Variants in SKOR1 observed in about 807,000 individuals in gnomAD.
SKOR1 encodes SKI family transcriptional corepressor 1, also known as LBX1 corepressor 1.
A neutral mutation model predicts 72.4 loss-of-function variants in SKOR1; 38 were observed. The observed-to-expected ratio is 0.52, with a 90% CI of 0.40 to 0.69. The LOEUF (loss-of-function observed/expected upper bound fraction) is 0.69, where lower values mean the gene tolerates loss of function less well. Among genes scored for constraint, SKOR1 ranks in the 30% least tolerant of loss-of-function variants. The pLI is 0.00. For synonymous variants in SKOR1, 642 were observed against 599.4 expected, an observed-to-expected ratio of 1.07 and a Z score of -1.04; for missense variants, 1,320 against 1,343.2, an observed-to-expected ratio of 0.98 and a Z score of 0.27.
intron 2 of SKOR1, among the ~76,000 whole-genome samples, chr15:67,828,751 A>T (rs2090985610): frequency 6.6e-6 from 1 of 152,030 alleles, no homozygotes; most frequent in South Asian, 2.1e-4. Context: ...CTTGAGGGGC[A>T]GGATGCAGCC....
At position 67,829,198 on chromosome 15, in the gene SKOR1, A is replaced by G; in HGVS notation, c.2336A>G (p.Asp779Gly). ...APAKVFAPERDEHVKSAAVAL... is the reference protein window; with the variant it reads ...APAKVFAPERGEHVKSAAVAL... ...TCGCAGGTGTTCGCGCCCGAGAGGG[A>G]TGAGCACGTGAAGAGCGCGGCGGTG... Residue 779 changes from aspartate (D) to glycine (G), a missense_variant, in exon 3 of 9, where the codon GAT becomes GGT. Around this residue, in one of 3 missense-constraint regions of SKOR1, gnomAD observed 1,099 missense variants for 1,025.5 expected, o/e 1.07. Transcript: ENST00000380035. 6.4e-7 allele frequency: 1 copy of G among 1,572,194 alleles called. No homozygotes were observed. The highest frequency in any genetic ancestry group is 8.6e-7 in the Non-Finnish European group (1 of 1,166,220).
In SKOR1 at chr15:67,833,991, T is replaced by A; in HGVS notation, c.*155T>A. 1 of 828,974 alleles carries A rather than the reference T, an allele frequency of 1.2e-6. No individual in the cohort carries two copies. Among genetic ancestry groups the A allele is most frequent in the South Asian group, 1.5e-5 (1 of 67,106 alleles). The allele number at this position is 828,974 out of a possible 1,614,324, so 51.4% of individuals were successfully genotyped here. A position where few individuals can be genotyped will look rare whatever the true frequency, so the allele number is the denominator to read the frequency against. ...CGCCTTCCTCCCGGGCTCCCCGGCC[T>A]TGCCCGCCCCCTCCCGGGCGTCCCT... On this transcript the variant is annotated 3_prime_UTR_variant, in exon 9 of 9. Transcript: ENST00000380035. The surrounding 1 kb of genome is among the most constrained non-coding windows in gnomAD (Gnocchi z 6.0).
chr15:67,830,406 G>A (rs1052713783), intron 4 of SKOR1, 108 bp downstream of exon 4: 3 of 919,256 alleles, frequency 3.3e-6, no homozygotes, highest in Non-Finnish European at 3.4e-6. Flanking sequence ...AAGTGTAAGC[G>A]GCTGCCAGTC....
chr15:67,831,905 G>A (rs11634105), intron 5 of SKOR1, among the ~76,000 whole-genome samples: 3 of 139,340 alleles, frequency 2.2e-5, no homozygotes, highest in South Asian at 4.7e-4. Flanking sequence ...CGGCGGTGCG[G>A]GGGGGGGAGG....
In SKOR1 at chr15:67,827,523, C is replaced by A; in HGVS notation, c.1695C>A (p.Asp565Glu). The change falls in exon 2 of 9, where the codon GAC becomes GAA. Residue 565 changes from aspartate to glutamate, a missense_variant. Physicochemically the swap from Asp to Glu is conservative, Grantham distance 45. Around this residue, in one of 3 missense-constraint regions of SKOR1, gnomAD observed 1,099 missense variants for 1,025.5 expected, o/e 1.07. Transcript: ENST00000380035. Reference protein sequence around the residue: ...SALSRGPLDEDGTDEALPPPL... With the variant: ...SALSRGPLDEEGTDEALPPPL... ...TGTCCCGCGGGCCCCTGGACGAAGA[C>A]GGCACGGACGAGGCGCTGCCACCGC... The A allele has an allele frequency of 6.6e-7, 1 of 1,522,476 alleles. No individual in the cohort carries two copies. The highest frequency in any genetic ancestry group is 8.8e-7 in the Non-Finnish European group (1 of 1,142,004). The allele number at this position is 1,522,476 out of a possible 1,614,324, so 94.3% of individuals were successfully genotyped here. A position where few individuals can be genotyped will look rare whatever the true frequency, so the allele number is the denominator to read the frequency against.
Position 67,832,189 on chromosome 15 carries a change from C to A in SKOR1, c.2588-85C>A. ...TGGTCATCCTTCTCAACTCTCCTTTCAGGGTTGTTGGCCAAGGCAGAACCT... is the reference window on the plus strand; with the variant it reads ...TGGTCATCCTTCTCAACTCTCCTTTAAGGGTTGTTGGCCAAGGCAGAACCT... On this transcript the variant is annotated intron_variant, in intron 5 of 8. Coordinates refer to ENST00000380035, the MANE Select transcript of SKOR1 (RefSeq NM_001365915.1). The surrounding 1 kb of genome is among the most constrained non-coding windows in gnomAD (Gnocchi z 4.5). The A allele has an allele frequency of 3.2e-6, 4 of 1,253,666 alleles. No individual in the cohort carries two copies. Among genetic ancestry groups the A allele is most frequent in the Non-Finnish European group, 4.7e-6 (4 of 860,008 alleles). The allele number at this position is 1,253,666 out of a possible 1,614,324, so 77.7% of individuals were successfully genotyped here. A position where few individuals can be genotyped will look rare whatever the true frequency, so the allele number is the denominator to read the frequency against.
At chr15:67,831,903 C>T (rs1597019721) in intron 5 of SKOR1, among the ~76,000 whole-genome samples, 1 of 28,736 alleles carries the variant, frequency 3.5e-5, no homozygotes, top group Admixed American at 3.0e-4. Context: ...GGCGGCGGTG[C>T]GGGGGGGGGA....
Position 67,826,749 on chromosome 15 carries a change from C to T in SKOR1, c.921C>T (p.Gly307=). 1 of 1,536,588 alleles carries T rather than the reference C, an allele frequency of 6.5e-7. No individual in the cohort carries two copies. Among genetic ancestry groups the T allele is most frequent in the Non-Finnish European group, 8.7e-7 (1 of 1,145,904 alleles). Reference sequence around the variant, plus strand: ...AGGGTGGTGCTGGCGGCGGTGGCGGCGGTGGCCCAGGGTGCGGTGCAGAGA... The same window carrying T: ...AGGGTGGTGCTGGCGGCGGTGGCGGTGGTGGCCCAGGGTGCGGTGCAGAGA... ...QGKGGAGGGG[G]GGPGCGAEMA... The change falls in exon 2 of 9, where the codon GGC becomes GGT. Residue 307 remains glycine, a synonymous_variant. Transcript: ENST00000380035.
chr15:67,830,798 T>A lies in SKOR1; in HGVS notation c.2516-20T>A, dbSNP rs760745675. ...GGCTTTCCTAGGACAGAACCCCTCT[T>A]ACCTGCCCCTGTATCCCAGGCGAAG... On this transcript the variant is annotated intron_variant, in intron 4 of 8. Coordinates refer to ENST00000380035, the MANE Select transcript of SKOR1 (RefSeq NM_001365915.1). 1 of 1,613,684 alleles carries A rather than the reference T, an allele frequency of 6.2e-7. No homozygotes were observed. Among genetic ancestry groups the A allele is most frequent in the African/African-American group, 1.3e-5 (1 of 74,846 alleles).
chr15:67,828,765 C>T (rs1467615787), intron 2 of SKOR1, among the ~76,000 whole-genome samples: 2 of 152,176 alleles, frequency 1.3e-5, no homozygotes, highest in African/African-American at 4.8e-5. Flanking sequence ...TGCAGCCAGG[C>T]TGGAGTCGTT....
chr15:67,828,175 C>T, intron 2 of SKOR1, 31 bp downstream of exon 2: 2 of 1,417,610 alleles, frequency 1.4e-6, no homozygotes, highest in Non-Finnish European at 1.8e-6. Flanking sequence ...GCCAGTGGCG[C>T]CTTCCCACCT....
Position 67,827,680 on chromosome 15 carries a change from G to T in SKOR1, c.1852G>T (p.Ala618Ser). The change falls in exon 2 of 9, where the codon GCG becomes TCG. Residue 618 changes from alanine to serine, a missense_variant. Physicochemically the swap from Ala to Ser is moderately conservative, Grantham distance 99 (BLOSUM62 1). Transcript: ENST00000380035. ...LYGSAREAYG[A>S]GPARGPGPGA... is the part of the protein sequence containing the mutation. ...CGGGAGCGCCCGGGAGGCGTACGGC[G>T]CGGGGCCTGCTCGGGGGCCGGGACC... is the stretch of plus-strand genomic sequence containing the variant. 6.5e-7 allele frequency: 1 copy of T among 1,535,228 alleles called. No individual in the cohort carries two copies. Among genetic ancestry groups the T allele is most frequent in the Non-Finnish European group, 8.8e-7 (1 of 1,142,048 alleles).
Position 67,828,005 on chromosome 15 carries a change from C to A in SKOR1, c.2177C>A (p.Pro726His), listed in dbSNP as rs1233115569. The change falls in exon 2 of 9, where the codon CCC becomes CAC. Residue 726 changes from proline to histidine, a missense_variant. Physicochemically the swap from Pro to His is moderately conservative, Grantham distance 77. Around this residue, in one of 3 missense-constraint regions of SKOR1, gnomAD observed 1,099 missense variants for 1,025.5 expected, o/e 1.07. Coordinates refer to ENST00000380035, the MANE Select transcript of SKOR1 (RefSeq NM_001365915.1). ...CGCCCCCGGCGCCGCCTCGGGCCAC[C>A]CCCAGCTGGCCGGCCCGCATTTGGG... ...SPRPRRRLGP[P>H]PAGRPAFGDL... 1.3e-6 allele frequency: 2 copies of A among 1,539,918 alleles called. No individual in the cohort carries two copies. The highest frequency in any genetic ancestry group is 2.4e-5 in the South Asian group (2 of 83,522).
Position 67,825,580 on chromosome 15 carries a change from G to A in SKOR1, c.-23G>A, listed in dbSNP as rs1329972169. The A allele has an allele frequency of 2.8e-6, 2 of 727,180 alleles. No homozygotes were observed. The highest frequency in any genetic ancestry group is 1.5e-5 in the South Asian group (1 of 68,128). 45.0% of individuals were successfully genotyped at this position (727,180 alleles called of 1,614,324 possible). A position where few individuals can be genotyped will look rare whatever the true frequency, so the allele number is the denominator to read the frequency against. On this transcript the variant is annotated 5_prime_UTR_variant, in exon 1 of 9. Transcript: ENST00000380035. The surrounding 1 kb of genome is among the most constrained non-coding windows in gnomAD (Gnocchi z 5.6). ...TTGCCGAAGGCGCACGGATCTGGGCGCTGAAAAAGCCAGGATTTGGCAATG... is the reference window on the plus strand; with the variant it reads ...TTGCCGAAGGCGCACGGATCTGGGCACTGAAAAAGCCAGGATTTGGCAATG...
At chr15:67,829,366 C>G in intron 3 of SKOR1, 97 bp downstream of exon 3, 2 of 1,062,638 alleles carry the variant, frequency 1.9e-6, no homozygotes, top group Non-Finnish European at 1.3e-6. Flanking sequence ...AGGAGAGAGA[C>G]GCAGAGAAAG....
chr15:67,828,300 C>A lies in SKOR1; in HGVS notation c.2316+156C>A, dbSNP rs1003974282. On this transcript the variant is annotated intron_variant, in intron 2 of 8. Transcript: ENST00000380035. ...CGCAGGCCCAGCCTTGGGCGCGCTG[C>A]GAAACTGGGCCCACCCGCACCCTCC... 5.0e-4 allele frequency among the ~76,000 whole-genome samples: 76 copies of A among 152,150 alleles called. 2 individuals carry two copies. The highest frequency in any genetic ancestry group is 1.8e-3 in the African/African-American group (75 of 41,416).
Position 67,826,068 on chromosome 15 carries a change from G to T in SKOR1, c.240G>T (p.Thr80=). The T allele has an allele frequency of 6.3e-7, 1 of 1,592,818 alleles. No individual in the cohort carries two copies. Among genetic ancestry groups the T allele is most frequent in the East Asian group, 2.3e-5 (1 of 44,440 alleles). ...SALKPNQVGE[T]SLYGVPIVSL... ...TCAAACCCAACCAGGTGGGCGAGAC[G>T]TCGCTGTACGGGGTGCCCATTGTGT... The change falls in exon 2 of 9, where the codon ACG becomes ACT. Residue 80 remains threonine, a synonymous_variant. Coordinates refer to ENST00000380035, the MANE Select transcript of SKOR1 (RefSeq NM_001365915.1).
chr15:67,830,799 A>G lies in SKOR1; in HGVS notation c.2516-19A>G, dbSNP rs138549130. ...GCTTTCCTAGGACAGAACCCCTCTT[A>G]CCTGCCCCTGTATCCCAGGCGAAGA... On this transcript the variant is annotated intron_variant, in intron 4 of 8. Coordinates refer to ENST00000380035, the MANE Select transcript of SKOR1 (RefSeq NM_001365915.1). The G allele has an allele frequency of 3.7e-6, 6 of 1,613,782 alleles. No individual in the cohort carries two copies. The Admixed American group carries it at 5.0e-5, about 13-fold the overall frequency.
Position 67,826,185 on chromosome 15 carries a change from C to T in SKOR1, c.357C>T (p.Arg119=). The part of the protein sequence containing the change: ...KNYSYNEIHN[R]RVALGITCVQ... ...ACAGCTATAATGAGATCCACAACCG[C>T]CGCGTGGCCCTGGGCATCACGTGCG... is the stretch of plus-strand genomic sequence containing the variant. Residue 119 remains arginine (R), a synonymous_variant, in exon 2 of 9, where the codon CGC becomes CGT. Coordinates refer to ENST00000380035, the MANE Select transcript of SKOR1 (RefSeq NM_001365915.1). The T allele has an allele frequency of 6.2e-7, 1 of 1,613,352 alleles. No homozygotes were observed. The highest frequency in any genetic ancestry group is 8.5e-7 in the Non-Finnish European group (1 of 1,179,780).
Sources: gnomAD v4.1 joint callset for allele counts (sites outside exome capture counted in the v4.1 genomes callset) on GRCh38, gnomAD v4.1.1 for gene constraint, gnomAD v4.1.1 regional missense constraint, Gnocchi (gnomAD v3.1) non-coding constraint, MANE v1.5 for transcripts, NCBI Gene and HGNC (gene_info 2026-07-23, HGNC 2026-07-21) for gene names.